MTMR12: variants seen among roughly 807,000 people sequenced by gnomAD.
MTMR12 encodes myotubularin-related protein 12.
Under a neutral mutation model 96.7 loss-of-function variants are expected in MTMR12, and 33 were observed. That is an observed-to-expected ratio of 0.34 (90% confidence interval 0.26 to 0.46). The LOEUF (loss-of-function observed/expected upper bound fraction) is 0.46. MTMR12 is among the 20% of genes least tolerant of loss of function. MTMR12 has a pLI of 1.00. For synonymous variants in MTMR12, 298 were observed against 327.2 expected, an observed-to-expected ratio of 0.91 and a Z score of 0.96; for missense variants, 721 against 896.1, an observed-to-expected ratio of 0.80 and a Z score of 2.49.
At chr5:32,280,187 C>T (rs561967156) in intron 1 of MTMR12, among the ~76,000 whole-genome samples, 6 of 152,286 alleles carry the variant, frequency 3.9e-5, no homozygotes, top group African/African-American at 1.2e-4. Flanking sequence ...AAGGGTAGGG[C>T]CCTGCCAGAA....
intron 8 of MTMR12, among the ~76,000 whole-genome samples, chr5:32,252,136 G>T (rs1748953789): frequency 6.6e-6 from 1 of 152,190 alleles, no homozygotes; most frequent in Non-Finnish European, 1.5e-5. Flanking sequence ...CAGGGTTGAA[G>T]AACAGCGGCC....
At position 32,229,708 on chromosome 5, in the gene MTMR12, G is replaced by A. The variant is rs900186832; in HGVS notation, c.*70C>T. The A allele has an allele frequency of 2.7e-5, 39 of 1,434,214 alleles. No homozygotes were observed. Among genetic ancestry groups the A allele is most frequent in the Middle Eastern group, 2.1e-4 (1 of 4,684 alleles). 88.8% of individuals were successfully genotyped at this position (1,434,214 alleles called of 1,614,324 possible). On this transcript the variant is annotated 3_prime_UTR_variant, in exon 16 of 16. Coordinates refer to ENST00000382142, the MANE Select transcript of MTMR12 (RefSeq NM_001040446.3). ...GGACCCAGCCAGCATGAGCTGTAGCGTGACACAAATCCAGGGATCAGCTGT... is the reference window on the plus strand; with the variant it reads ...GGACCCAGCCAGCATGAGCTGTAGCATGACACAAATCCAGGGATCAGCTGT...
chr5:32,229,150 C>T lies in MTMR12; in HGVS notation c.*628G>A, dbSNP rs1297108085. ...GGGTGGTGGCTGGCTAGCCCCCACC[C>T]ACAGGCAAAGTGACACGGTCTGTGA... On this transcript the variant is annotated 3_prime_UTR_variant, in exon 16 of 16. Transcript: ENST00000382142. 1.3e-5 allele frequency: 2 copies of T among 152,120 alleles called. No homozygotes were observed. Among genetic ancestry groups the T allele is most frequent in the African/African-American group, 2.4e-5 (1 of 41,368 alleles). The allele number at this position is 152,120 out of a possible 1,614,324, so 9.4% of individuals were successfully genotyped here. A position where few individuals can be genotyped will look rare whatever the true frequency, so the allele number is the denominator to read the frequency against.
intron 10 of MTMR12, among the ~76,000 whole-genome samples, chr5:32,246,169 A>AGTTTTTTTTTTTTT (rs370864090): frequency 0.27 from 35,067 of 129,618 alleles, 4,934 homozygotes; most frequent in East Asian, 0.42. Context: ...TTGAGTAGAC[A>AGTTTTTTTTTTTTT]GTTTTTTTTT....
chr5:32,289,314 T>TA (rs1750658188), intron 1 of MTMR12, among the ~76,000 whole-genome samples: 2 of 152,188 alleles, frequency 1.3e-5, no homozygotes, highest in African/African-American at 4.8e-5. Context: ...GTTTGAATTA[T>TA]AAAAACAGAG....
rs1747923838 is a variant in MTMR12, at chr5:32,229,912, A to G, written c.2110T>C (p.Ser704Pro). The change falls in exon 16 of 16, where the codon TCT (serine) becomes CCT (proline). Residue 704 changes from serine to proline, a missense_variant. Transcript: ENST00000382142. Reference protein sequence around the residue: ...CLLRNSARLSSLFPFALLQRH... With the variant: ...CLLRNSARLSPLFPFALLQRH... ...TGGAGCAGAGCGAAAGGAAACAAAG[A>G]CGAGAGGCGGGCAGAGTTCCTCAGC... The G allele has an allele frequency of 1.9e-6, 3 of 1,613,342 alleles. No individual in the cohort carries two copies. The highest frequency in any genetic ancestry group is 2.5e-6 in the Non-Finnish European group (3 of 1,179,538).
intron 15 of MTMR12, chr5:32,232,909 C>A: frequency 1.1e-6 from 1 of 943,862 alleles, no homozygotes; most frequent in Non-Finnish European, 1.3e-6. Flanking sequence ...CCAGATCAGG[C>A]AGGATAAGGA....
chr5:32,239,472 G>A (rs1364115366), intron 12 of MTMR12, among the ~76,000 whole-genome samples: 2 of 152,204 alleles, frequency 1.3e-5, no homozygotes, highest in Non-Finnish European at 2.9e-5. Context: ...GCTTGTGGGG[G>A]TCTAGGTGTG....
rs1747858789 is a variant in MTMR12 at position 32,228,605 on chromosome 5, TATCATATATATG to T, written c.*1161_*1172del. The T allele has an allele frequency of 8.8e-6, 1 of 113,272 alleles. No homozygotes were observed. The highest frequency in any genetic ancestry group is 3.2e-5 in the African/African-American group (1 of 31,384). 7.0% of individuals were successfully genotyped at this position (113,272 alleles called of 1,614,324 possible). A position where few individuals can be genotyped will look rare whatever the true frequency, so the allele number is the denominator to read the frequency against. ...CATATATATGTGATATATATATATA[TATCATATATATG>T]ATATATATATATCACATATATATCA... On this transcript the variant is annotated 3_prime_UTR_variant, in exon 16 of 16. Transcript: ENST00000382142.
At chr5:32,235,925 G>T (rs1748211166) in intron 13 of MTMR12, among the ~76,000 whole-genome samples, 2 of 152,214 alleles carry the variant, frequency 1.3e-5, no homozygotes, top group South Asian at 4.1e-4. Context: ...GGAAAGGGAA[G>T]ATTGGAGATG....
At chr5:32,311,749 C>T (rs1751606052) in intron 1 of MTMR12, among the ~76,000 whole-genome samples, 1 of 152,214 alleles carries the variant, frequency 6.6e-6, no homozygotes, top group Non-Finnish European at 1.5e-5. Flanking sequence ...GCCATGCTGG[C>T]TTCCTTGACG....
chr5:32,265,514 A>C (rs1749553842), intron 6 of MTMR12, among the ~76,000 whole-genome samples: 1 of 152,242 alleles, frequency 6.6e-6, no homozygotes, highest in African/African-American at 2.4e-5. Context: ...GCACTCAATA[A>C]ATGTTTATAC....
intron 6 of MTMR12, among the ~76,000 whole-genome samples, chr5:32,264,518 C>T (rs951104520): frequency 6.6e-6 from 1 of 150,916 alleles, no homozygotes; most frequent in East Asian, 1.9e-4. Context: ...TGGAGTGCAG[C>T]GGCGTGATCT....
intron 1 of MTMR12, among the ~76,000 whole-genome samples, chr5:32,303,476 A>G (rs1751227291): frequency 6.6e-6 from 1 of 152,160 alleles, no homozygotes; most frequent in Admixed American, 6.5e-5. Flanking sequence ...ACAGGAGATT[A>G]GAGATTAAAA....
At position 32,312,773 on chromosome 5, in the gene MTMR12, C is replaced by T. The variant is rs1235996673; in HGVS notation, c.66G>A (p.Ser22=). ...GCCCCCTCACCTCAGGGCGTACGTA[C>T]GACACGAAGGAGGGCTTGGGGGCCT... ...GTKAPKPSFV[S]YVRPEEIHTN... The change falls in exon 1 of 16, where the codon TCG becomes TCA. Residue 22 remains serine, a synonymous_variant. Transcript: ENST00000382142. This position sits in a 1 kb window ranked among gnomAD's most constrained non-coding sequence, Gnocchi z 5.0. The T allele has an allele frequency of 4.6e-6, 7 of 1,529,728 alleles. No individual in the cohort carries two copies. Among genetic ancestry groups the T allele is most frequent in the Non-Finnish European group, 6.1e-6 (7 of 1,141,374 alleles). The allele number at this position is 1,529,728 out of a possible 1,614,324, so 94.8% of individuals were successfully genotyped here. A position where few individuals can be genotyped will look rare whatever the true frequency, so the allele number is the denominator to read the frequency against.
intron 1 of MTMR12, chr5:32,296,435 C>A: frequency 2.9e-6 from 1 of 344,744 alleles, no homozygotes; most frequent in South Asian, 2.1e-5. Context: ...GCTGAGATCA[C>A]ACCACTGCAT....
intron 10 of MTMR12, 38 bp from the exon 11 acceptor site, chr5:32,243,637 G>T: frequency 7.5e-7 from 1 of 1,336,166 alleles, no homozygotes; most frequent in Non-Finnish European, 1.1e-6. Context: ...TCAGGTCATT[G>T]TTCACTGACA....
intron 3 of MTMR12, among the ~76,000 whole-genome samples, chr5:32,272,184 G>A (rs867134339): frequency 6.6e-5 from 10 of 151,934 alleles, no homozygotes; most frequent in Admixed American, 4.6e-4. Flanking sequence ...CCAGCTACTC[G>A]GGAGGCTGAG....
intron 1 of MTMR12, among the ~76,000 whole-genome samples, chr5:32,294,638 T>C (rs768338050): frequency 1.2e-4 from 18 of 152,260 alleles, no homozygotes; most frequent in Admixed American, 2.0e-4. Flanking sequence ...CAAGAGTCTC[T>C]TACCTTGTCT....
Sources: allele counts gnomAD v4.1 joint callset (sites outside exome capture counted in the v4.1 genomes callset), GRCh38; gene constraint gnomAD v4.1.1; non-coding constraint Gnocchi (gnomAD v3.1); transcripts MANE v1.5; gene names NCBI Gene and HGNC (gene_info 2026-07-23, HGNC 2026-07-21).